GBE1: variants seen among roughly 807,000 people sequenced by gnomAD.
The protein encoded by GBE1 is 1,4-alpha-glucan-branching enzyme.
Under a neutral mutation model 88.8 loss-of-function variants are expected in GBE1, and 70 were observed. The ratio of observed to expected loss-of-function variants is 0.79; its 90% confidence interval spans 0.65 to 0.96. The LOEUF (loss-of-function observed/expected upper bound fraction) is 0.96, where lower values mean the gene tolerates loss of function less well. Among genes scored for constraint, GBE1 ranks in the 40% least tolerant of loss-of-function variants. GBE1 has a pLI of 0.00. For synonymous variants in GBE1, 284 were observed against 300.1 expected (o/e 0.95, Z 0.56); for missense variants, 872 against 871.0 (o/e 1.00, Z -0.01).
At chr3:81,618,689 C>T (rs1230642507) in intron 7 of GBE1, among the ~76,000 whole-genome samples, 1 of 152,050 alleles carries the variant, frequency 6.6e-6, no homozygotes, top group Non-Finnish European at 1.5e-5. Context: ...GATGCATATC[C>T]TATCCTGAAT....
At chr3:81,559,334 G>A (rs1012469844) in intron 12 of GBE1, among the ~76,000 whole-genome samples, 1 of 151,918 alleles carries the variant, frequency 6.6e-6, no homozygotes, top group Non-Finnish European at 1.5e-5. Context: ...TCAGACTCTA[G>A]TGGGCAACCC....
At chr3:81,695,636 G>A (rs956674626) in intron 2 of GBE1, among the ~76,000 whole-genome samples, 6 of 152,114 alleles carry the variant, frequency 3.9e-5, no homozygotes, top group African/African-American at 1.4e-4. Context: ...AGAAGTGAAT[G>A]TTATGTTATA....
intron 7 of GBE1, among the ~76,000 whole-genome samples, chr3:81,626,420 A>G (rs1476504056): frequency 1.3e-5 from 2 of 152,244 alleles, no homozygotes; most frequent in African/African-American, 2.4e-5. Flanking sequence ...AATATAAAAC[A>G]CAAATACAAT....
chr3:81,536,707 G>A (rs1340878313), intron 13 of GBE1, among the ~76,000 whole-genome samples: 1 of 151,976 alleles, frequency 6.6e-6, no homozygotes. Flanking sequence ...AGGAAACTAA[G>A]CAGGGCATTA....
chr3:81,494,098 T>G (rs1438478306), intron 15 of GBE1, among the ~76,000 whole-genome samples: 1 of 152,188 alleles, frequency 6.6e-6, no homozygotes, highest in Non-Finnish European at 1.5e-5. Flanking sequence ...ATACATATAT[T>G]TCACTGCAGT....
intron 5 of GBE1, among the ~76,000 whole-genome samples, chr3:81,647,994 TATA>T (rs1469733815): frequency 6.6e-6 from 1 of 152,048 alleles, no homozygotes; most frequent in Non-Finnish European, 1.5e-5. Flanking sequence ...ATATCTCAAA[TATA>T]ATAATTTAGC....
intron 1 of GBE1, among the ~76,000 whole-genome samples, chr3:81,753,823 C>G (rs1706565517): frequency 6.6e-6 from 1 of 152,196 alleles, no homozygotes; most frequent in African/African-American, 2.4e-5. Flanking sequence ...AGATTCTTCA[C>G]TGCCTTCTAC....
intron 14 of GBE1, among the ~76,000 whole-genome samples, chr3:81,534,380 C>G (rs75322030): frequency 0.02 from 2,972 of 152,034 alleles, 103 homozygotes; most frequent in African/African-American, 0.068. Flanking sequence ...GTAATCAGCT[C>G]AGAGCTGTCA....
chr3:81,679,192 G>A (rs1157214486), intron 2 of GBE1, among the ~76,000 whole-genome samples: 1 of 152,132 alleles, frequency 6.6e-6, no homozygotes, highest in Non-Finnish European at 1.5e-5. Flanking sequence ...AGGTCTCTGT[G>A]CACAAATAGG....
intron 1 of GBE1, among the ~76,000 whole-genome samples, chr3:81,706,879 C>T (rs1705783247): frequency 6.6e-6 from 1 of 150,784 alleles, no homozygotes. Flanking sequence ...AAAAAAAGTA[C>T]ATAAGTATAG....
At chr3:81,617,670 G>A (rs75839692) in intron 7 of GBE1, among the ~76,000 whole-genome samples, 1,529 of 151,752 alleles carry the variant, frequency 0.01, 20 homozygotes, top group African/African-American at 0.035. Flanking sequence ...ATATTGACCC[G>A]TAGTTATCTT....
chr3:81,732,324 C>T (rs908469363), intron 1 of GBE1, among the ~76,000 whole-genome samples: 5 of 152,042 alleles, frequency 3.3e-5, no homozygotes, highest in African/African-American at 4.8e-5. Flanking sequence ...AGTCCACATC[C>T]GACTAAAATC....
intron 7 of GBE1, among the ~76,000 whole-genome samples, chr3:81,633,526 C>T (rs1704547801): frequency 1.3e-5 from 2 of 152,020 alleles, no homozygotes; most frequent in Non-Finnish European, 2.9e-5. Flanking sequence ...TTAAAAGAAA[C>T]AAGGTTACCA....
At position 81,649,833 on chromosome 3, in the gene GBE1, T is replaced by C; in HGVS notation, c.518A>G (p.Tyr173Cys). 1 of 1,611,764 alleles carries C rather than the reference T, an allele frequency of 6.2e-7. No homozygotes were observed. The highest frequency in any genetic ancestry group is 8.5e-7 in the Non-Finnish European group (1 of 1,178,324). Reference sequence around the variant, plus strand: ...TTCTGGATCCCAGTGTATCCAATCATAATTCACATTATCACCTTCACGAAC... The same window carrying C: ...TTCTGGATCCCAGTGTATCCAATCACAATTCACATTATCACCTTCACGAAC... ...YVVREGDNVN[Y>C]DWIHWDPEHS... The change falls in exon 4 of 16, where the codon TAT becomes TGT. Residue 173 changes from tyrosine to cysteine, a missense_variant. Coordinates refer to ENST00000429644, the MANE Select transcript of GBE1 (RefSeq NM_000158.4).
chr3:81,719,796 TAACA>T (rs1705995210), intron 1 of GBE1, among the ~76,000 whole-genome samples: 1 of 152,090 alleles, frequency 6.6e-6, no homozygotes. Context: ...AAGTAAAAAC[TAACA>T]AACACTAATT....
chr3:81,632,930 T>G (rs534967515), intron 7 of GBE1, among the ~76,000 whole-genome samples: 4 of 152,300 alleles, frequency 2.6e-5, no homozygotes, highest in African/African-American at 9.6e-5. Flanking sequence ...TTTCTGACCT[T>G]GAGGCACTTT....
chr3:81,647,766 G>T (rs1028337905), intron 5 of GBE1, among the ~76,000 whole-genome samples: 11 of 151,996 alleles, frequency 7.2e-5, no homozygotes, highest in African/African-American at 2.4e-4. Flanking sequence ...TATAAACAAA[G>T]ATATTAGTTT....
intron 7 of GBE1, among the ~76,000 whole-genome samples, chr3:81,637,835 G>A (rs1294860575): frequency 6.6e-6 from 1 of 151,864 alleles, no homozygotes; most frequent in African/African-American, 2.4e-5. Flanking sequence ...GAACTGATTT[G>A]GTCATGATGT....
At chr3:81,570,675 T>C (rs928730578) in intron 12 of GBE1, among the ~76,000 whole-genome samples, 1 of 152,162 alleles carries the variant, frequency 6.6e-6, no homozygotes, top group Non-Finnish European at 1.5e-5. Flanking sequence ...TAGGCAGTAG[T>C]TGGATCATAA....
Sources: gnomAD v4.1 joint callset for allele counts (sites outside exome capture counted in the v4.1 genomes callset) on GRCh38, gnomAD v4.1.1 for gene constraint, MANE v1.5 for transcripts, NCBI Gene and HGNC (gene_info 2026-07-23, HGNC 2026-07-21) for gene names.